Variants in ZFTA observed in about 807,000 individuals in gnomAD.
ZFTA encodes the protein zinc finger translocation-associated protein.
ZFTA carries 35 observed loss-of-function variants against 41.8 expected under a neutral mutation model. The ratio of observed to expected loss-of-function variants is 0.84; its 90% CI spans 0.64 to 1.11. The LOEUF (loss-of-function observed/expected upper bound fraction) is 1.11, where lower values mean the gene tolerates loss of function less well. Ranked by LOEUF, ZFTA falls within the 50% of genes most tolerant of loss-of-function variation. ZFTA has a pLI of 0.00. For missense variants in ZFTA, 964 were observed against 989.8 expected, an observed-to-expected ratio of 0.97 and a Z score of 0.35; for synonymous variants, 514 against 436.4, an observed-to-expected ratio of 1.18 and a Z score of -2.22.
At chr11:63,766,429 G>T (rs770065158) in intron 1 of ZFTA, 125 bp from the exon 2 acceptor site, 1 of 1,285,300 alleles carries the variant, frequency 7.8e-7, no homozygotes, top group Non-Finnish European at 1.0e-6. Context: ...GGAAAGGGAC[G>T]GCAACAGCAA....
In ZFTA at chr11:63,763,271, T is replaced by C; in HGVS notation, c.*147A>G. The C allele has an allele frequency of 4.2e-6, 2 of 473,966 alleles. No homozygotes were observed. The highest frequency in any genetic ancestry group is 5.9e-6 in the Non-Finnish European group (2 of 340,272). The allele number at this position is 473,966 out of a possible 1,614,324, so 29.4% of individuals were successfully genotyped here. On this transcript the variant is annotated 3_prime_UTR_variant, in exon 5 of 5. Transcript: ENST00000433688. ...CGGTGGCCCCACCCGATCCCCCGTC[T>C]CCGCCCGGCCCGGCCAGCGGGGGGC... is the stretch of plus-strand genomic sequence containing the variant.
chr11:63,768,206 G>T (rs1454463861), intron 1 of ZFTA, among the ~76,000 whole-genome samples: 1 of 151,688 alleles, frequency 6.6e-6, no homozygotes, highest in Admixed American at 6.6e-5. Context: ...TGCCCCGTGG[G>T]GCCCCTCGGG....
In ZFTA at chr11:63,762,616, G is replaced by C. The variant is rs1398930514; in HGVS notation, c.*802C>G. ...TCCCACGGACTTGGTTTAGGGGTAA[G>C]CAGAGACCCTCGGGGCAAGAGGAGC... On this transcript the variant is annotated 3_prime_UTR_variant, in exon 5 of 5. Transcript: ENST00000433688. 1 of 152,318 alleles carries C rather than the reference G, an allele frequency of 6.6e-6. No homozygotes were observed. The highest frequency in any genetic ancestry group is 1.5e-5 in the Non-Finnish European group (1 of 68,100). The allele number at this position is 152,318 out of a possible 1,614,324, so 9.4% of individuals were successfully genotyped here.
Position 63,765,140 on chromosome 11 carries a change from AG to A in ZFTA, c.751del (p.Leu251TrpfsTer10). The A allele has an allele frequency of 6.5e-7, 1 of 1,547,260 alleles. No homozygotes were observed. Among genetic ancestry groups the A allele is most frequent in the Non-Finnish European group, 8.7e-7 (1 of 1,146,134 alleles). ...CCTCCTCTCCAGGCGCCGGGCCCCC[AG>A]CCCCCTGCTGCCCCCGGCCCTCCGG... ...ASRRAGGSRG[L>X]GARRLERRLK... On this transcript the variant is annotated frameshift_variant, in exon 3 of 5. Transcript: ENST00000433688. LOFTEE classifies it high-confidence loss of function. This position sits in a 1 kb window ranked among gnomAD's most constrained non-coding sequence, Gnocchi z 4.0.
At position 63,763,757 on chromosome 11, in the gene ZFTA, GGGAGGAGGCGGC is replaced by G. The variant is rs1717109729; in HGVS notation, c.1686_1697del (p.Pro569_Pro572del). The G allele has an allele frequency of 6.8e-7, 1 of 1,468,968 alleles. No individual in the cohort carries two copies. Among genetic ancestry groups the G allele is most frequent in the Non-Finnish European group, 9.0e-7 (1 of 1,111,764 alleles). 91.0% of individuals were successfully genotyped at this position (1,468,968 alleles called of 1,614,324 possible). ...GGCTGCGGGGCGGGGGCGGAGGCGG[GGGAGGAGGCGGC>G]GGCGGCAAGGCGAGTCCCCCAGGCT... On this transcript the variant is annotated inframe_deletion, in exon 5 of 5. Transcript: ENST00000433688.
rs370744061 is a variant in ZFTA at position 63,760,874 on chromosome 11, C to A, written c.*2544G>T. On this transcript the variant is annotated 3_prime_UTR_variant, in exon 5 of 5. Transcript: ENST00000433688. ...AGATTCCTAAGGTGATGCTGCTGGT[C>A]TCAGGGACACACTTTGAGAGCCACT... 6.6e-6 allele frequency: 1 copy of A among 152,170 alleles called. No homozygotes were observed. The highest frequency in any genetic ancestry group is 3.2e-3 in the Middle Eastern group (1 of 316). The allele number at this position is 152,170 out of a possible 1,614,324, so 9.4% of individuals were successfully genotyped here.
intron 1 of ZFTA, among the ~76,000 whole-genome samples, 179 bp from the exon 2 acceptor site, chr11:63,766,483 C>G (rs1408870858): frequency 6.6e-6 from 1 of 152,188 alleles, no homozygotes; most frequent in Non-Finnish European, 1.5e-5. Context: ...TAGCCCTTTA[C>G]AAAGGGCAAG....
At position 63,763,917 on chromosome 11, in the gene ZFTA, C is replaced by G. The variant is rs1057496545; in HGVS notation, c.1586-48G>C. On this transcript the variant is annotated intron_variant, in intron 4 of 4. Coordinates refer to ENST00000433688, the MANE Select transcript of ZFTA (RefSeq NM_001144936.2). ...ATTGGCGACGGCGGGGGGCAGCGGGCTGGGCCCCGCGTCTCATCTCCAGTC... is the reference window on the plus strand; with the variant it reads ...ATTGGCGACGGCGGGGGGCAGCGGGGTGGGCCCCGCGTCTCATCTCCAGTC... 2.1e-6 allele frequency: 3 copies of G among 1,396,742 alleles called. No homozygotes were observed. The African/African-American group carries it at 4.6e-5, about 21-fold the overall frequency. 86.5% of individuals were successfully genotyped at this position (1,396,742 alleles called of 1,614,324 possible).
rs888136763 is a variant in ZFTA at position 63,763,832 on chromosome 11, C to T, written c.1623G>A (p.Arg541=). The T allele has an allele frequency of 1.1e-5, 16 of 1,444,934 alleles. No individual in the cohort carries two copies. Among genetic ancestry groups the T allele is most frequent in the Non-Finnish European group, 1.4e-5 (15 of 1,101,742 alleles). The allele number at this position is 1,444,934 out of a possible 1,614,324, so 89.5% of individuals were successfully genotyped here. The change falls in exon 5 of 5, where the codon CGG becomes CGA. Residue 541 remains arginine, a synonymous_variant. Transcript: ENST00000433688. ...CTTCGTCCTCCTCTTCTTCGGCGGGCCGCTCCAAGGGAGCTCCAGGGGACA... is the reference window on the plus strand; with the variant it reads ...CTTCGTCCTCCTCTTCTTCGGCGGGTCGCTCCAAGGGAGCTCCAGGGGACA... ...VPLSPGAPLE[R]PAEEEEDEED...
At chr11:63,766,948 C>T (rs2014755985) in intron 1 of ZFTA, among the ~76,000 whole-genome samples, 1 of 152,238 alleles carries the variant, frequency 6.6e-6, no homozygotes. Flanking sequence ...ACTGAAACTT[C>T]TCCAGATTCT....
chr11:63,766,234 G>T lies in ZFTA; in HGVS notation c.210C>A (p.Ala70=). Residue 70 remains alanine (A), a synonymous_variant, in exon 2 of 5, where the codon GCC becomes GCA. Transcript: ENST00000433688. ...TCCTGCCTGAAGATGCTGGTCCCCT[G>T]GCCCTGGAGGAGGGCAGGGGGGCAC... ...WGSAPLPSSR[A]RGPASSGRKY... is the part of the protein sequence containing the mutation. 10 of 1,531,548 alleles carry T rather than the reference G, an allele frequency of 6.5e-6. No homozygotes were observed. The highest frequency in any genetic ancestry group is 7.9e-6 in the Non-Finnish European group (9 of 1,139,702). 94.9% of individuals were successfully genotyped at this position (1,531,548 alleles called of 1,614,324 possible).
chr11:63,764,059 C>G lies in ZFTA; in HGVS notation c.1564G>C (p.Glu522Gln), dbSNP rs1050929438. Residue 522 changes from glutamate to glutamine, a missense_variant, in exon 4 of 5, where the codon GAG (glutamate) becomes CAG (glutamine). Glu to Gln is a conservative substitution (Grantham distance 29, BLOSUM62 2). Transcript: ENST00000433688. Reference protein sequence around the residue: ...EGGGDEEEEPEEEEEEWGDVP... With the variant: ...EGGGDEEEEPQEEEEEWGDVP... ...TCACCCCACTCCTCCTCCTCCTCCT[C>G]TGGCTCCTCCTCCTCGTCCCCTCCC... 5 of 1,344,620 alleles carry G rather than the reference C, an allele frequency of 3.7e-6. No homozygotes were observed. The East Asian group carries it at 1.2e-4, about 33-fold the overall frequency. 83.3% of individuals were successfully genotyped at this position (1,344,620 alleles called of 1,614,324 possible).
Position 63,765,775 on chromosome 11 carries a change from C to T in ZFTA, c.637+32G>A, listed in dbSNP as rs1376796425. 6.9e-7 allele frequency: 1 copy of T among 1,441,912 alleles called. No individual in the cohort carries two copies. The highest frequency in any genetic ancestry group is 9.1e-7 in the Non-Finnish European group (1 of 1,099,270). 89.3% of individuals were successfully genotyped at this position (1,441,912 alleles called of 1,614,324 possible). A position where few individuals can be genotyped will look rare whatever the true frequency, so the allele number is the denominator to read the frequency against. On this transcript the variant is annotated intron_variant, in intron 2 of 4. Transcript: ENST00000433688. The surrounding 1 kb of genome is among the most constrained non-coding windows in gnomAD (Gnocchi z 4.0). ...ACTGTGCCCCACTGGCCACCCAGGCCCCTGCCTGTACAGAATCTGCATTTG... is the reference window on the plus strand; with the variant it reads ...ACTGTGCCCCACTGGCCACCCAGGCTCCTGCCTGTACAGAATCTGCATTTG...
rs911150382 is a variant in ZFTA, at chr11:63,763,365, G to A, written c.*53C>T. On this transcript the variant is annotated 3_prime_UTR_variant, in exon 5 of 5. Transcript: ENST00000433688. ...CCGAAGGGCCGGGCGAGCACAGGGC[G>A]GGGCGGGGCCGATCCGACCCGACCC... 4 of 1,158,862 alleles carry A rather than the reference G, an allele frequency of 3.5e-6. No individual in the cohort carries two copies. Among genetic ancestry groups the A allele is most frequent in the African/African-American group, 1.7e-5 (1 of 60,296 alleles). The allele number at this position is 1,158,862 out of a possible 1,614,324, so 71.8% of individuals were successfully genotyped here.
intron 1 of ZFTA, among the ~76,000 whole-genome samples, 181 bp downstream of exon 1, chr11:63,768,303 G>C (rs2014780001): frequency 6.7e-6 from 1 of 149,742 alleles, no homozygotes; most frequent in African/African-American, 2.4e-5. Context: ...GCCGACCCCG[G>C]GAGCTGGGCG....
Position 63,765,161 on chromosome 11 carries a change from C to T in ZFTA, c.731G>A (p.Arg244Lys), listed in dbSNP as rs939444504. Reference protein sequence around the residue: ...ARRLRLSASRRAGGSRGLGAR... With the variant: ...ARRLRLSASRKAGGSRGLGAR... The stretch of plus-strand genomic sequence containing the variant: ...CCCCAGCCCCCTGCTGCCCCCGGCC[C>T]TCCGGGAGGCTGAGAGGCGCAGACG... Residue 244 changes from arginine (R) to lysine (K), a missense_variant, in exon 3 of 5, where the codon AGG becomes AAG. Arg to Lys is a conservative substitution (Grantham distance 26, BLOSUM62 2). Coordinates refer to ENST00000433688, the MANE Select transcript of ZFTA (RefSeq NM_001144936.2). The surrounding 1 kb of genome is among the most constrained non-coding windows in gnomAD (Gnocchi z 4.0). 6.5e-7 allele frequency: 1 copy of T among 1,544,542 alleles called. No homozygotes were observed. The highest frequency in any genetic ancestry group is 1.4e-5 in the African/African-American group (1 of 72,660).
chr11:63,768,500 T>G lies in ZFTA; in HGVS notation c.123A>C (p.Pro41=). ...AGCTCTTACCGCCTTCGTCTTCCTCTGGCTCCGCGCTGCCGCTCGATCCGG... is the reference window on the plus strand; with the variant it reads ...AGCTCTTACCGCCTTCGTCTTCCTCGGGCTCCGCGCTGCCGCTCGATCCGG... The part of the protein sequence containing the change: ...PPAGSSGSAE[P]EEDEGGQDLQ... Residue 41 remains proline (P), a synonymous_variant, in exon 1 of 5, where the codon CCA becomes CCC. Transcript: ENST00000433688. The G allele has an allele frequency of 1.2e-5, 15 of 1,201,938 alleles. No individual in the cohort carries two copies. Among genetic ancestry groups the G allele is most frequent in the Non-Finnish European group, 1.4e-5 (13 of 954,694 alleles). 74.5% of individuals were successfully genotyped at this position (1,201,938 alleles called of 1,614,324 possible).
Position 63,766,048 on chromosome 11 carries a change from G to A in ZFTA, c.396C>T (p.Ser132=). Residue 132 remains serine, a synonymous_variant, in exon 2 of 5, where the codon TCC becomes TCT. Transcript: ENST00000433688. ...TGGTGCTGAGCTTGAGGGTGGCCAG[G>A]GAGCTGCCGCACACCATGCACACCA... is the stretch of plus-strand genomic sequence containing the variant. ...HGMVCMVCGS[S]LATLKLSTIK... The A allele has an allele frequency of 6.5e-7, 1 of 1,550,270 alleles. No individual in the cohort carries two copies. Among genetic ancestry groups the A allele is most frequent in the Non-Finnish European group, 8.7e-7 (1 of 1,146,248 alleles).
rs1355428969 is a variant in ZFTA, at chr11:63,760,610, G to A, written c.*2808C>T. On this transcript the variant is annotated 3_prime_UTR_variant, in exon 5 of 5. Transcript: ENST00000433688. ...CACCTGTTCATGTCAGAATCCCAAG[G>A]CAAGGAGGCACACCTAGGCAAGAGG... 1 of 152,022 alleles carries A rather than the reference G, an allele frequency of 6.6e-6. No homozygotes were observed. Among genetic ancestry groups the A allele is most frequent in the Non-Finnish European group, 1.5e-5 (1 of 68,024 alleles). The allele number at this position is 152,022 out of a possible 1,614,324, so 9.4% of individuals were successfully genotyped here. A position where few individuals can be genotyped will look rare whatever the true frequency, so the allele number is the denominator to read the frequency against.
Sources: allele counts gnomAD v4.1 joint callset (sites outside exome capture counted in the v4.1 genomes callset), GRCh38; gene constraint gnomAD v4.1.1; non-coding constraint Gnocchi (gnomAD v3.1); transcripts MANE v1.5; gene names NCBI Gene and HGNC (gene_info 2026-07-23, HGNC 2026-07-21).